Variants in ABR observed in about 807,000 individuals in gnomAD.
ABR encodes ABR activator of RhoGEF and GTPase, also known as active breakpoint cluster region-related protein.
A neutral mutation model predicts 107.2 loss-of-function variants in ABR; 35 were observed. That is an observed-to-expected ratio of 0.33 (90% CI 0.25 to 0.43). The LOEUF is 0.43. Among genes scored for constraint, ABR ranks in the 20% least tolerant of loss-of-function variants. ABR has a pLI of 1.00. For missense variants in ABR, 815 were observed against 1,115.2 expected, an observed-to-expected ratio of 0.73 and a Z score of 3.83; for synonymous variants, 498 against 462.0, an observed-to-expected ratio of 1.08 and a Z score of -1.00.
intron 16 of ABR, among the ~76,000 whole-genome samples, chr17:1,025,999 C>T (rs1289806299): frequency 6.6e-6 from 1 of 152,242 alleles, no homozygotes; most frequent in Non-Finnish European, 1.5e-5. Flanking sequence ...CCCACTAAAC[C>T]CCCTGCTCCC....
intron 1 of ABR, among the ~76,000 whole-genome samples, chr17:1,132,197 A>G (rs34569724): frequency 0.26 from 39,116 of 150,598 alleles, 6,173 homozygotes; most frequent in Admixed American, 0.35. Flanking sequence ...CTCTGTCTCT[A>G]TGAACACACA....
At chr17:1,062,607 C>G (rs1360137236) in intron 10 of ABR, among the ~76,000 whole-genome samples, 36 of 141,224 alleles carry the variant, frequency 2.5e-4, no homozygotes, top group African/African-American at 8.0e-4. Flanking sequence ...ATGCATGTTC[C>G]TCTAGACACT....
chr17:1,209,775 T>C (rs999951348), intron 1 of ABR, among the ~76,000 whole-genome samples: 3 of 152,220 alleles, frequency 2.0e-5, no homozygotes, highest in Non-Finnish European at 2.9e-5. Context: ...CACATATACA[T>C]AGATAATTAT....
In ABR at chr17:1,157,142, G is replaced by A. The variant is rs1025705359; in HGVS notation, c.61+22525C>T. ...GAAGCTCAGATAGGTCAGATGACTGGCCCAAGGTCACACAGCTGCTGAGTG... is the reference window on the plus strand; with the variant it reads ...GAAGCTCAGATAGGTCAGATGACTGACCCAAGGTCACACAGCTGCTGAGTG... On this transcript the variant is annotated intron_variant, in intron 1 of 22. Coordinates refer to ENST00000302538, the MANE Select transcript of ABR (RefSeq NM_021962.5). This position sits in a 1 kb window ranked among gnomAD's most constrained non-coding sequence, Gnocchi z 4.7. 1.3e-5 allele frequency among the ~76,000 whole-genome samples: 2 copies of A among 152,134 alleles called. No individual in the cohort carries two copies. The highest frequency in any genetic ancestry group is 2.1e-4 in the South Asian group (1 of 4,830).
At chr17:1,195,469 C>T (rs886127090) in intron 1 of ABR, among the ~76,000 whole-genome samples, 1 of 151,878 alleles carries the variant, frequency 6.6e-6, no homozygotes, top group Non-Finnish European at 1.5e-5. Context: ...CAGCCCCCAG[C>T]CCTGCCTGAC....
intron 1 of ABR, among the ~76,000 whole-genome samples, chr17:1,175,727 A>G (rs1482793419): frequency 2.6e-5 from 4 of 151,992 alleles, no homozygotes; most frequent in Non-Finnish European, 5.9e-5. Context: ...TGACCACCAA[A>G]CCTGTGATGG....
rs1361095210 is a variant in ABR at position 1,011,765 on chromosome 17, G to C, written c.2101+81C>G. 6.8e-7 allele frequency: 1 copy of C among 1,477,178 alleles called. No homozygotes were observed. Among genetic ancestry groups the C allele is most frequent in the Non-Finnish European group, 9.0e-7 (1 of 1,111,660 alleles). 91.5% of individuals were successfully genotyped at this position (1,477,178 alleles called of 1,614,324 possible). A position where few individuals can be genotyped will look rare whatever the true frequency, so the allele number is the denominator to read the frequency against. On this transcript the variant is annotated intron_variant, in intron 19 of 22. Transcript: ENST00000302538. The surrounding 1 kb of genome is among the most constrained non-coding windows in gnomAD (Gnocchi z 4.8). ...AGCCTCCTCTCCAGGGAGGCTCCTGGTTCCCCCGAGCTCTCCTGTCCATCC... is the reference window on the plus strand; with the variant it reads ...AGCCTCCTCTCCAGGGAGGCTCCTGCTTCCCCCGAGCTCTCCTGTCCATCC...
At chr17:1,064,818 A>T (rs2034518178) in intron 10 of ABR, among the ~76,000 whole-genome samples, 1 of 130,034 alleles carries the variant, frequency 7.7e-6, no homozygotes, top group Non-Finnish European at 1.7e-5. Flanking sequence ...ACTGAGGGCT[A>T]TGCATGTTCC....
At chr17:1,183,713 A>G (rs1053193478), upstream of ABR, among the ~76,000 whole-genome samples, 1 of 152,104 alleles carries the variant, frequency 6.6e-6, no homozygotes, top group African/African-American at 2.4e-5. Flanking sequence ...TGCTTCCTTG[A>G]TCACCCAGAG....
At chr17:1,126,089 C>G (rs928098093) in intron 1 of ABR, among the ~76,000 whole-genome samples, 3 of 152,298 alleles carry the variant, frequency 2.0e-5, no homozygotes, top group East Asian at 1.9e-4. Flanking sequence ...ATTAACCCCC[C>G]AGGGCTGCCA....
rs1421732809 is a variant in ABR at position 1,157,677 on chromosome 17, C to G, written c.61+21990G>C. On this transcript the variant is annotated intron_variant, in intron 1 of 22. Coordinates refer to ENST00000302538, the MANE Select transcript of ABR (RefSeq NM_021962.5). The surrounding 1 kb of genome is among the most constrained non-coding windows in gnomAD (Gnocchi z 4.7). The stretch of plus-strand genomic sequence containing the variant: ...AGCGGAACAGGGGGAAGCCAACAAT[C>G]CCGGCAGATGAAGGAAAGGAACCGG... Among the ~76,000 whole-genome samples, 2 of 152,246 alleles carry G rather than the reference C, an allele frequency of 1.3e-5. No individual in the cohort carries two copies. The highest frequency in any genetic ancestry group is 4.8e-5 in the African/African-American group (2 of 41,464).
chr17:1,206,774 T>G (rs1048552180), intron 1 of ABR, among the ~76,000 whole-genome samples: 2 of 152,036 alleles, frequency 1.3e-5, no homozygotes, highest in African/African-American at 4.8e-5. Context: ...TTTGTGAAAC[T>G]CCATCTCTAC....
At chr17:1,015,447 C>T (rs2071074489) in intron 16 of ABR, among the ~76,000 whole-genome samples, 1 of 150,374 alleles carries the variant, frequency 6.7e-6, no homozygotes, top group Admixed American at 6.6e-5. Flanking sequence ...TAAGCCGACA[C>T]ATTATATACA....
rs2042654566 is a variant in ABR, at chr17:1,200,670, G to T, written c.838+28123C>A. Among the ~76,000 whole-genome samples the T allele has an allele frequency of 6.6e-6, 1 of 152,104 alleles. No homozygotes were observed. The highest frequency in any genetic ancestry group is 6.6e-5 in the Admixed American group (1 of 15,266). On this transcript the variant is annotated intron_variant, in intron 1 of 22. Transcript: ENST00000574139. This position sits in a 1 kb window ranked among gnomAD's most constrained non-coding sequence, Gnocchi z 4.1. ...GAGCTATGACCTCACTTTATTCGGG[G>T]CCTCCGTGGTGCAGACACAAAGATG...
intron 1 of ABR, among the ~76,000 whole-genome samples, chr17:1,223,921 G>T (rs941872265): frequency 6.6e-6 from 1 of 152,158 alleles, no homozygotes; most frequent in Non-Finnish European, 1.5e-5. Flanking sequence ...ACGTGGGGAT[G>T]ACAATTCGAG....
chr17:1,015,117 G>A (rs776542844), intron 16 of ABR, among the ~76,000 whole-genome samples: 94 of 151,846 alleles, frequency 6.2e-4, no homozygotes, highest in Non-Finnish European at 1.0e-3. Context: ...ATGATTGGCA[G>A]TACATAATTA....
At chr17:1,028,142 G>T (rs2072373750) in intron 16 of ABR, among the ~76,000 whole-genome samples, 1 of 152,122 alleles carries the variant, frequency 6.6e-6, no homozygotes, top group Non-Finnish European at 1.5e-5. Context: ...CCAGGCTGGA[G>T]TGCAGTGGCA....
At chr17:1,049,970 G>A (rs2032269460) in intron 16 of ABR, 80 bp downstream of exon 16, 1 of 1,520,628 alleles carries the variant, frequency 6.6e-7, no homozygotes, top group Admixed American at 2.1e-5. Context: ...GAAAGAGCAG[G>A]CTCCTTGACC....
At position 1,012,750 on chromosome 17, in the gene ABR, C is replaced by G. The variant is rs775004363; in HGVS notation, c.1899G>C (p.Leu633=). 2.5e-6 allele frequency: 4 copies of G among 1,598,922 alleles called. No individual in the cohort carries two copies. The Admixed American group carries it at 6.9e-5, about 28-fold the overall frequency. ...TCTGCTTTTTGGACGGGGTCCTCTT[C>G]AGGCTCATATCTCGGCTGGTGAATT... is the stretch of plus-strand genomic sequence containing the variant. ...SMKFTSRDMS[L]KRTPSKKQTG... Residue 633 remains leucine, a synonymous_variant, in exon 18 of 23, where the codon CTG becomes CTC. Transcript: ENST00000302538.
Sources: gnomAD v4.1 joint callset for allele counts (sites outside exome capture counted in the v4.1 genomes callset) on GRCh38, gnomAD v4.1.1 for gene constraint, Gnocchi (gnomAD v3.1) non-coding constraint, MANE v1.5 for transcripts, NCBI Gene and HGNC (gene_info 2026-07-23, HGNC 2026-07-21) for gene names.